The following TBX20 variants were observed in gnomAD, a reference collection of about 807,000 sequenced individuals.
TBX20 encodes T-box transcription factor TBX20.
In TBX20, 8 loss-of-function variants were observed where a neutral mutation model predicts 42.9. The observed-to-expected ratio is 0.19, with a 90% CI of 0.11 to 0.34. TBX20 has a LOEUF of 0.34. TBX20 is among the 10% of genes least tolerant of loss of function. The probability of loss-of-function intolerance (pLI) is 1.00; values close to 1 mark genes in which losing one functional copy is unlikely to be tolerated. For synonymous variants in TBX20, 198 were observed against 222.8 expected (o/e 0.89, Z 0.99); for missense variants, 411 against 566.0 (o/e 0.73, Z 2.78).
chr7:35,251,914 C>T (rs1346788007), intron 1 of TBX20, among the ~76,000 whole-genome samples: 1 of 151,974 alleles, frequency 6.6e-6, no homozygotes, highest in Non-Finnish European at 1.5e-5. Context: ...CAGAGCCCAT[C>T]TCAAAAGCCA....
Position 35,253,572 on chromosome 7 carries a change from C to CGTT in TBX20, c.46_48dup (p.Asn16dup). 6.2e-7 allele frequency: 1 copy of CGTT among 1,612,640 alleles called. No individual in the cohort carries two copies. The highest frequency in any genetic ancestry group is 8.5e-7 in the Non-Finnish European group (1 of 1,180,010). On this transcript the variant is annotated inframe_insertion, in exon 1 of 8. Coordinates refer to ENST00000408931, the MANE Select transcript of TBX20 (RefSeq NM_001077653.2). The stretch of plus-strand genomic sequence containing the variant: ...GACATGAGCGCGGCAATGGAGAAGG[C>CGTT]GTTGGCCCGAGAGGAGAGTTGGGGC...
At position 35,238,987 on chromosome 7, in the gene TBX20, C is replaced by T. The variant is rs184053285; in HGVS notation, c.813+1892G>A. On this transcript the variant is annotated intron_variant, in intron 5 of 7. Transcript: ENST00000408931. ...TTATTTACAGAGCACCTTACAGCTTCCAAAGGCTTAAACAAGCCTACACAC... is the reference window on the plus strand; with the variant it reads ...TTATTTACAGAGCACCTTACAGCTTTCAAAGGCTTAAACAAGCCTACACAC... 5.8e-4 allele frequency among the ~76,000 whole-genome samples: 89 copies of T among 152,188 alleles called. No homozygotes were observed. The East Asian group carries it at 0.016, about 27-fold the overall frequency.
chr7:35,240,458 A>G (rs7779056), intron 5 of TBX20, among the ~76,000 whole-genome samples: 1,704 of 152,342 alleles, frequency 0.011, 31 homozygotes, highest in African/African-American at 0.039. Flanking sequence ...TAAACCTTAC[A>G]AAATATCTAA....
At chr7:35,252,518 T>C (rs1470576751) in intron 1 of TBX20, among the ~76,000 whole-genome samples, 1 of 151,636 alleles carries the variant, frequency 6.6e-6, no homozygotes, top group Non-Finnish European at 1.5e-5. Flanking sequence ...ACTTCCTTTT[T>C]TTCATGTTAT....
chr7:35,228,647 C>T (rs1789816945), intron 6 of TBX20, among the ~76,000 whole-genome samples: 1 of 152,178 alleles, frequency 6.6e-6, no homozygotes, highest in African/African-American at 2.4e-5. Context: ...GTGTACTGGA[C>T]AAAGTGAACC....
intron 3 of TBX20, among the ~76,000 whole-genome samples, chr7:35,247,962 G>A (rs1790227405): frequency 6.6e-6 from 1 of 152,124 alleles, no homozygotes; most frequent in Non-Finnish European, 1.5e-5. Context: ...AACAGTAAAG[G>A]TTTGCATGTG....
chr7:35,216,146 GGC>G (rs1789586387), intron 6 of TBX20, among the ~76,000 whole-genome samples: 1 of 152,038 alleles, frequency 6.6e-6, no homozygotes, highest in Admixed American at 6.6e-5. Flanking sequence ...TCTTGATCTA[GGC>G]AGGGGTTCTC....
Position 35,253,869 on chromosome 7 carries a change from G to T in TBX20, c.-249C>A. 3.9e-6 allele frequency: 2 copies of T among 518,002 alleles called. No individual in the cohort carries two copies. Among genetic ancestry groups the T allele is most frequent in the Non-Finnish European group, 6.8e-6 (2 of 292,300 alleles). The allele number at this position is 518,002 out of a possible 1,614,324, so 32.1% of individuals were successfully genotyped here. ...GAGGAGAGGGCCCACCGAGCACTAC[G>T]GCGGGTGCGCACGCCCCGGGGCGCT... is the stretch of plus-strand genomic sequence containing the variant. On this transcript the variant is annotated 5_prime_UTR_variant, in exon 1 of 8. Transcript: ENST00000408931.
At position 35,240,964 on chromosome 7, in the gene TBX20, A is replaced by G; in HGVS notation, c.728T>C (p.Leu243Ser). Reference sequence around the variant, plus strand: ...AAATTCTTCAGACTTCAGGTTGAGCAATGAGGCTGTGTGGTCTTTCTTCTT... The same window carrying G: ...AAATTCTTCAGACTTCAGGTTGAGCGATGAGGCTGTGTGGTCTTTCTTCTT... ...IIKKKDHTAS[L>S]LNLKSEEFRT... is the part of the protein sequence containing the mutation. The change falls in exon 5 of 8, where the codon TTG becomes TCG. Residue 243 changes from leucine (L) to serine (S), a missense_variant. Coordinates refer to ENST00000408931, the MANE Select transcript of TBX20 (RefSeq NM_001077653.2). 6.2e-7 allele frequency: 1 copy of G among 1,613,832 alleles called. No individual in the cohort carries two copies. Among genetic ancestry groups the G allele is most frequent in the Non-Finnish European group, 8.5e-7 (1 of 1,179,726 alleles).
At chr7:35,248,217 T>C (rs1222415192) in intron 3 of TBX20, among the ~76,000 whole-genome samples, 1 of 152,238 alleles carries the variant, frequency 6.6e-6, no homozygotes, top group East Asian at 1.9e-4. Flanking sequence ...TGTTGTTTAT[T>C]ATATGCAGTT....
intron 3 of TBX20, among the ~76,000 whole-genome samples, chr7:35,246,062 T>C (rs76989238): frequency 0.034 from 5,181 of 152,312 alleles, 290 homozygotes; most frequent in African/African-American, 0.12. Flanking sequence ...AAGCAAGGGA[T>C]AAGAAGTCAT....
chr7:35,236,719 T>G (rs1472906993), intron 5 of TBX20, among the ~76,000 whole-genome samples: 6 of 152,194 alleles, frequency 3.9e-5, no homozygotes. Context: ...TATGGCTTTG[T>G]GCAAGCGGCT....
intron 6 of TBX20, among the ~76,000 whole-genome samples, chr7:35,226,623 T>C (rs1430008010): frequency 6.6e-6 from 1 of 152,166 alleles, no homozygotes; most frequent in Non-Finnish European, 1.5e-5. Flanking sequence ...CATCACAATG[T>C]TTCAGCCCAC....
chr7:35,223,990 A>G (rs1177028368), intron 6 of TBX20, among the ~76,000 whole-genome samples: 2 of 152,216 alleles, frequency 1.3e-5, no homozygotes, highest in Admixed American at 1.3e-4. Flanking sequence ...AAAAATTTAA[A>G]AAGGGTAGCC....
intron 5 of TBX20, among the ~76,000 whole-genome samples, chr7:35,233,021 T>C (rs1478481217): frequency 2.0e-5 from 3 of 152,152 alleles, no homozygotes; most frequent in African/African-American, 7.2e-5. Context: ...AGAAAGACTC[T>C]GTCTCAAAAG....
intron 4 of TBX20, among the ~76,000 whole-genome samples, chr7:35,243,265 G>C (rs1393382616): frequency 6.6e-6 from 1 of 152,184 alleles, no homozygotes; most frequent in Non-Finnish European, 1.5e-5. Context: ...GATTGCAGGT[G>C]TGAGCCACCG....
intron 6 of TBX20, among the ~76,000 whole-genome samples, chr7:35,211,449 GA>G (rs1458347786): frequency 6.6e-6 from 1 of 152,020 alleles, no homozygotes; most frequent in African/African-American, 2.4e-5. Flanking sequence ...TTGTATGTCT[GA>G]AAAAGTCTTT....
chr7:35,224,689 C>T (rs1789741690), intron 6 of TBX20, among the ~76,000 whole-genome samples: 2 of 149,190 alleles, frequency 1.3e-5, no homozygotes, highest in Non-Finnish European at 3.0e-5. Context: ...AAAAAAATTC[C>T]AGGCAGGAAT....
chr7:35,225,099 G>C (rs1237876959), intron 6 of TBX20, among the ~76,000 whole-genome samples: 1 of 152,148 alleles, frequency 6.6e-6, no homozygotes, highest in African/African-American at 2.4e-5. Flanking sequence ...AGACTAAAAT[G>C]AAAATTTATT....
Sources: gnomAD v4.1 joint callset for allele counts (sites outside exome capture counted in the v4.1 genomes callset) on GRCh38, gnomAD v4.1.1 for gene constraint, MANE v1.5 for transcripts, NCBI Gene and HGNC (gene_info 2026-07-23, HGNC 2026-07-21) for gene names.